Variants in PYY observed in about 807,000 individuals in gnomAD.
The protein encoded by PYY is peptide YY, also known as peptide tyrosine tyrosine.
Under a neutral mutation model 10.3 loss-of-function variants are expected in PYY, and 12 were observed. The ratio of observed to expected loss-of-function variants is 1.17; its 90% confidence interval spans 0.75 to 1.89. PYY has a LOEUF of 1.89. Among genes scored for constraint, PYY ranks in the 40% most tolerant of loss-of-function variants. The pLI is 0.00. For missense variants in PYY, 141 were observed against 134.0 expected, an observed-to-expected ratio of 1.05 and a Z score of -0.26; for synonymous variants, 66 against 62.0, an observed-to-expected ratio of 1.06 and a Z score of -0.30.
chr17:43,982,232 G>A (rs1198990187), intron 1 of PYY, among the ~76,000 whole-genome samples: 1 of 152,212 alleles, frequency 6.6e-6, no homozygotes, highest in East Asian at 1.9e-4. Flanking sequence ...TTTCAGAGTG[G>A]ATGGATTGGG....
chr17:43,976,815 ATCTC>A (rs2048852003), intron 1 of PYY, among the ~76,000 whole-genome samples: 1 of 151,998 alleles, frequency 6.6e-6, no homozygotes. Context: ...ACCAGTGACT[ATCTC>A]TATATGTTTC....
At position 43,963,569 on chromosome 17, in the gene PYY, G is replaced by A. The variant is rs368088626; in HGVS notation, c.-218+2719C>T. On this transcript the variant is annotated intron_variant, in intron 2 of 6. Transcript: ENST00000360085. ...GAAGGGAAGGAAGGAAGGAAGGAAG[G>A]AAAAGAAAGAAAGAAAGAAAGAAAG... Among the ~76,000 whole-genome samples, 45 of 74,988 alleles carry A rather than the reference G, an allele frequency of 6.0e-4. No individual in the cohort carries two copies. The South Asian group carries it at 0.017, about 28-fold the overall frequency. The allele number at this position is 74,988 out of a possible 152,430, so 49.2% of individuals were successfully genotyped here.
chr17:43,969,891 C>T (rs1003329466), intron 1 of PYY, among the ~76,000 whole-genome samples: 7 of 151,578 alleles, frequency 4.6e-5, no homozygotes, highest in Admixed American at 1.3e-4. Flanking sequence ...TATAGGTGCC[C>T]GCCACCGCAC....
At chr17:43,959,203 T>A (rs978612635) in intron 2 of PYY, among the ~76,000 whole-genome samples, 5 of 152,228 alleles carry the variant, frequency 3.3e-5, no homozygotes, top group African/African-American at 1.2e-4. Context: ...ACAAAGTGAC[T>A]AAGACCTGTA....
chr17:43,963,584 AAG>A (rs2048729853), intron 2 of PYY, among the ~76,000 whole-genome samples: 6 of 80,932 alleles, frequency 7.4e-5, no homozygotes, highest in South Asian at 5.1e-4. Context: ...GAAAGAAAGA[AAG>A]AAAGAAAGAA....
Position 43,952,901 on chromosome 17 carries a change from G to A in PYY, c.*55C>T, listed in dbSNP as rs1259803370. The A allele has an allele frequency of 7.3e-6, 11 of 1,505,756 alleles. No individual in the cohort carries two copies. The highest frequency in any genetic ancestry group is 9.8e-6 in the Non-Finnish European group (11 of 1,124,966). 93.3% of individuals were successfully genotyped at this position (1,505,756 alleles called of 1,614,324 possible). ...TCCGGGTTTCTGGGGTCGGGAGTGCGTATGCAAATGACGTGGGCGTGGTTG... is the reference window on the plus strand; with the variant it reads ...TCCGGGTTTCTGGGGTCGGGAGTGCATATGCAAATGACGTGGGCGTGGTTG... On this transcript the variant is annotated 3_prime_UTR_variant, in exon 4 of 4. Coordinates refer to ENST00000692052, the MANE Select transcript of PYY (RefSeq NM_001394028.1).
chr17:43,975,894 G>GTATA (rs2048828927), intron 1 of PYY, among the ~76,000 whole-genome samples: 1 of 3,802 alleles, frequency 2.6e-4, no homozygotes, highest in Non-Finnish European at 8.3e-4. Context: ...GTACATACAC[G>GTATA]TGTCTACGTA....
chr17:43,953,555 T>A (rs950180141), intron 1 of PYY, 72 bp from the exon 2 acceptor site: 56 of 1,388,616 alleles, frequency 4.0e-5, no homozygotes, highest in Non-Finnish European at 5.4e-5. Flanking sequence ...GCGGCTGCCG[T>A]CGGGGCCGCG....
chr17:43,953,393 T>C lies in PYY; in HGVS notation c.91A>G (p.Ile31Val), dbSNP rs2048647969. Residue 31 changes from isoleucine (I) to valine (V), a missense_variant, in exon 2 of 4, where the codon ATC (isoleucine) becomes GTC (valine). Ile to Val is a conservative substitution (Grantham distance 29, BLOSUM62 3). Coordinates refer to ENST00000692052, the MANE Select transcript of PYY (RefSeq NM_001394028.1). ...TCTTCGCGGGGAGCCTCGGGTTTGA[T>C]GGGGTAGGCGTCGACCAGCGCCCCT... ...CLGALVDAYP[I>V]KPEAPREDAS... 6.2e-7 allele frequency: 1 copy of C among 1,612,860 alleles called. No homozygotes were observed. The highest frequency in any genetic ancestry group is 8.5e-7 in the Non-Finnish European group (1 of 1,179,592).
chr17:43,997,528 G>A (rs1384979011), intron 1 of PYY, among the ~76,000 whole-genome samples: 1 of 152,116 alleles, frequency 6.6e-6, no homozygotes, highest in Non-Finnish European at 1.5e-5. Context: ...GGCTGGAGGG[G>A]CAGGGGCAGT....
chr17:43,994,946 G>A (rs538251565), intron 1 of PYY, among the ~76,000 whole-genome samples: 1 of 152,166 alleles, frequency 6.6e-6, no homozygotes, highest in Non-Finnish European at 1.5e-5. Context: ...GCCCCGGGGC[G>A]GTTCCCACTA....
upstream of PYY, among the ~76,000 whole-genome samples, chr17:43,955,075 G>C (rs534538940): frequency 2.6e-3 from 392 of 152,316 alleles, 1 homozygote; most frequent in African/African-American, 8.0e-3. Context: ...AGTAGCCATT[G>C]GGGCGCCAGA....
intron 1 of PYY, among the ~76,000 whole-genome samples, chr17:43,989,000 G>A (rs1422884738): frequency 6.6e-6 from 1 of 151,710 alleles, no homozygotes; most frequent in African/African-American, 2.4e-5. Context: ...GACCTCAAGT[G>A]ATCTGCCCGC....
intron 1 of PYY, among the ~76,000 whole-genome samples, chr17:43,969,931 A>G (rs922229622): frequency 1.3e-5 from 2 of 151,642 alleles, no homozygotes; most frequent in Admixed American, 6.6e-5. Flanking sequence ...TTTAGTAGAG[A>G]TGGGATTTCA....
chr17:43,963,625 A>AGAAAGAAAGAAAG (rs2048733954), intron 2 of PYY, among the ~76,000 whole-genome samples: 1 of 31,812 alleles, frequency 3.1e-5, no homozygotes, highest in African/African-American at 7.0e-5. Context: ...AAAGAAAGAA[A>AGAAAGAAAGAAAG]GAGAAAGAAA....
exon 1 of PYY, chr17:44,004,395 G>A: frequency 2.9e-6 from 1 of 349,242 alleles, no homozygotes; most frequent in African/African-American, 2.1e-5. Flanking sequence ...ACCTACCTTG[G>A]CAGCAGATTA....
At chr17:43,991,571 C>G (rs755459256) in intron 1 of PYY, among the ~76,000 whole-genome samples, 3 of 152,186 alleles carry the variant, frequency 2.0e-5, no homozygotes, top group Non-Finnish European at 4.4e-5. Context: ...TTTTGCTTCT[C>G]CATGCTTCCT....
At chr17:43,996,335 C>T (rs2143963886) in intron 1 of PYY, among the ~76,000 whole-genome samples, 1 of 152,306 alleles carries the variant, frequency 6.6e-6, no homozygotes, top group South Asian at 2.1e-4. Context: ...GCTGTCCCAG[C>T]TCCAGCCATC....
In PYY at chr17:43,975,792, A is replaced by G. The variant is rs183553417; in HGVS notation, c.-462-9260T>C. Among the ~76,000 whole-genome samples the G allele has an allele frequency of 1.1e-3, 144 of 134,200 alleles. 52 individuals are homozygous for G. Among genetic ancestry groups the G allele is most frequent in the Admixed American group, 2.0e-3 (27 of 13,666 alleles). The allele number at this position is 134,200 out of a possible 152,430, so 88.0% of individuals were successfully genotyped here. A position where few individuals can be genotyped will look rare whatever the true frequency, so the allele number is the denominator to read the frequency against. On this transcript the variant is annotated intron_variant, in intron 1 of 6. Coordinates refer to the PYY transcript ENST00000360085. ...TATACACACATATATACACGTGTACATACACGTGTCTACGTACGTGTACAT... is the reference window on the plus strand; with the variant it reads ...TATACACACATATATACACGTGTACGTACACGTGTCTACGTACGTGTACAT...
Sources: allele counts gnomAD v4.1 joint callset (sites outside exome capture counted in the v4.1 genomes callset), GRCh38; gene constraint gnomAD v4.1.1; transcripts MANE v1.5; gene names NCBI Gene and HGNC (gene_info 2026-07-23, HGNC 2026-07-21).